FOXP2: variants seen among roughly 807,000 people sequenced by gnomAD.
FOXP2 encodes forkhead box P2.
A neutral mutation model predicts 115.8 loss-of-function variants in FOXP2; 12 were observed. That is an observed-to-expected ratio of 0.10 (90% CI 0.07 to 0.17). The LOEUF (loss-of-function observed/expected upper bound fraction) is 0.17. Among genes scored for constraint, FOXP2 ranks in the 10% least tolerant of loss-of-function variants. The pLI is 1.00. For synonymous variants in FOXP2, 328 were observed against 297.7 expected (o/e 1.10, Z -1.05); for missense variants, 629 against 843.5 (o/e 0.75, Z 3.15).
intron 3 of FOXP2, among the ~76,000 whole-genome samples, chr7:114,559,706 C>A (rs1278326950): frequency 2.0e-5 from 3 of 149,578 alleles, no homozygotes; most frequent in African/African-American, 7.4e-5. Context: ...CACGGTGAAA[C>A]CCCGTCTCTA....
intron 3 of FOXP2, among the ~76,000 whole-genome samples, chr7:114,606,464 C>T (rs1267749454): frequency 6.6e-6 from 1 of 152,164 alleles, no homozygotes; most frequent in African/African-American, 2.4e-5. Flanking sequence ...GGAGGACCAC[C>T]TGAGCTACTG....
At chr7:114,624,544 A>G (rs866264095) in intron 3 of FOXP2, among the ~76,000 whole-genome samples, 15 of 151,968 alleles carry the variant, frequency 9.9e-5, no homozygotes, top group Middle Eastern at 3.4e-3. Flanking sequence ...TAAGGGACGC[A>G]CTTAATATGC....
At chr7:114,594,080 C>CA (rs1584933662) in intron 3 of FOXP2, among the ~76,000 whole-genome samples, 1 of 151,974 alleles carries the variant, frequency 6.6e-6, no homozygotes, top group East Asian at 1.9e-4. Flanking sequence ...TTTCAAAAAA[C>CA]AAAAAATAAC....
intron 2 of FOXP2, among the ~76,000 whole-genome samples, chr7:114,497,256 A>G (rs1313395483): frequency 6.6e-6 from 1 of 152,174 alleles, no homozygotes; most frequent in African/African-American, 2.4e-5. Flanking sequence ...CATCTTTCCT[A>G]TTGTGTTTAC....
Position 114,484,411 on chromosome 7 carries a change from G to A in FOXP2, c.169-50206G>A, listed in dbSNP as rs12667037. On this transcript the variant is annotated intron_variant, in intron 2 of 16. Coordinates refer to ENST00000350908, the MANE Select transcript of FOXP2 (RefSeq NM_014491.4). ...TGATAATATTGATGTTACTATTTTG[G>A]TGTACAATCCAGTGGTCAAATGGCC... 1.6e-4 allele frequency among the ~76,000 whole-genome samples: 24 copies of A among 151,726 alleles called. No homozygotes were observed. In the East Asian group the frequency reaches 4.6e-3, roughly 29 times the overall value.
At chr7:114,425,008 ATTAATT>A (rs1793780295) in intron 1 of FOXP2, among the ~76,000 whole-genome samples, 1 of 151,476 alleles carries the variant, frequency 6.6e-6, no homozygotes, top group Admixed American at 6.6e-5. Context: ...TACTATAAAC[ATTAATT>A]TTAACAATTT....
intron 1 of FOXP2, among the ~76,000 whole-genome samples, chr7:114,152,013 T>C: frequency 6.6e-6 from 1 of 152,118 alleles, no homozygotes; most frequent in East Asian, 1.9e-4. Context: ...TTTCATTATC[T>C]TCAAGATCTA....
chr7:114,609,154 A>G (rs1803494303), intron 3 of FOXP2, among the ~76,000 whole-genome samples: 2 of 151,828 alleles, frequency 1.3e-5, no homozygotes, highest in South Asian at 4.2e-4. Context: ...CGGAGGTTAC[A>G]GTGAGCTGAG....
At chr7:114,290,703 T>C (rs1796569934) in intron 2 of FOXP2, among the ~76,000 whole-genome samples, 1 of 151,908 alleles carries the variant, frequency 6.6e-6, no homozygotes. Context: ...GGGTTTAGAG[T>C]GGAGCTATTG....
intron 1 of FOXP2, among the ~76,000 whole-genome samples, chr7:114,264,859 G>A (rs1447434939): frequency 1.3e-5 from 2 of 152,042 alleles, no homozygotes; most frequent in Non-Finnish European, 2.9e-5. Context: ...TGTGCGGGGT[G>A]GGGAGGGGAT....
intron 3 of FOXP2, among the ~76,000 whole-genome samples, chr7:114,586,047 A>C (rs1802114984): frequency 6.6e-6 from 1 of 152,066 alleles, no homozygotes; most frequent in Non-Finnish European, 1.5e-5. Flanking sequence ...AACTGTCTGC[A>C]CAAACCAATT....
chr7:114,642,695 A>C (rs1416012229), intron 7 of FOXP2, 72 bp downstream of exon 7: 1 of 1,405,612 alleles, frequency 7.1e-7, no homozygotes, highest in Non-Finnish European at 9.9e-7. Context: ...ACAATGAAAA[A>C]GAACAATTTG....
Position 114,132,762 on chromosome 7 carries a change from A to G in FOXP2, c.-246-30182A>G, listed in dbSNP as rs911148249. On this transcript the variant is annotated intron_variant, in intron 1 of 19. Coordinates refer to the FOXP2 transcript ENST00000635638. ...CAAGTATTGAAGTAGAAGTGTCCTT[A>G]GCAAGTTTTGAGCAACTGCAAGCAG... Among the ~76,000 whole-genome samples the G allele has an allele frequency of 2.0e-5, 3 of 152,124 alleles. No homozygotes were observed. The South Asian group carries it at 6.2e-4, about 32-fold the overall frequency.
chr7:114,121,746 G>T (rs912931373), intron 1 of FOXP2, among the ~76,000 whole-genome samples: 3 of 152,120 alleles, frequency 2.0e-5, no homozygotes, highest in African/African-American at 7.2e-5. Flanking sequence ...TAGTTAAGGA[G>T]ATATGGGGAG....
intron 3 of FOXP2, among the ~76,000 whole-genome samples, chr7:114,585,568 T>C (rs988289524): frequency 7.1e-6 from 1 of 141,318 alleles, no homozygotes; most frequent in African/African-American, 2.8e-5. Flanking sequence ...AACGCTACTA[T>C]TAAAAAAAAA....
At chr7:114,213,078 T>G (rs1280409919) in intron 1 of FOXP2, among the ~76,000 whole-genome samples, 1 of 152,194 alleles carries the variant, frequency 6.6e-6, no homozygotes, top group Admixed American at 6.5e-5. Flanking sequence ...TTAAAGGCAG[T>G]CAGGAATTTT....
intron 1 of FOXP2, among the ~76,000 whole-genome samples, chr7:114,169,177 G>A (rs1348056042): frequency 7.2e-6 from 1 of 139,278 alleles, no homozygotes; most frequent in Non-Finnish European, 1.6e-5. Flanking sequence ...TGAGAAGAGG[G>A]CCACCGTCCT....
chr7:114,447,357 G>C (rs1794878821), intron 2 of FOXP2, among the ~76,000 whole-genome samples: 1 of 152,004 alleles, frequency 6.6e-6, no homozygotes, highest in East Asian at 1.9e-4. Context: ...TAAGCACCCA[G>C]AAGATACTTC....
intron 3 of FOXP2, among the ~76,000 whole-genome samples, chr7:114,595,012 T>G (rs1400008728): frequency 6.6e-6 from 1 of 152,038 alleles, no homozygotes; most frequent in Non-Finnish European, 1.5e-5. Context: ...TACTTCACCC[T>G]TTAAGACTGT....
Sources: gnomAD v4.1 joint callset for allele counts (sites outside exome capture counted in the v4.1 genomes callset) on GRCh38, gnomAD v4.1.1 for gene constraint, MANE v1.5 for transcripts, NCBI Gene and HGNC (gene_info 2026-07-23, HGNC 2026-07-21) for gene names.